Variants in TENM2 observed in about 807,000 individuals in gnomAD.
The protein encoded by TENM2 is teneurin-2.
Under a neutral mutation model 245.2 loss-of-function variants are expected in TENM2, and 52 were observed. That is an observed-to-expected ratio of 0.21 (90% CI 0.17 to 0.27). The LOEUF (loss-of-function observed/expected upper bound fraction) is 0.27. TENM2 is among the 10% of genes least tolerant of loss of function. The probability of loss-of-function intolerance (pLI) is 1.00; values close to 1 mark genes in which losing one functional copy is unlikely to be tolerated. For missense variants in TENM2, 3,046 were observed against 3,666.8 expected (o/e 0.83, Z 4.37); for synonymous variants, 1,363 against 1,438.9 (o/e 0.95, Z 1.19).
chr5:167,908,904 A>AG (rs1776327878), intron 3 of TENM2, among the ~76,000 whole-genome samples: 1 of 151,998 alleles, frequency 6.6e-6, no homozygotes, highest in Non-Finnish European at 1.5e-5. Context: ...TCCTTAGTTC[A>AG]GCATTTGAGG....
At chr5:167,720,506 GC>G (rs2150515985) in intron 2 of TENM2, among the ~76,000 whole-genome samples, 1 of 152,188 alleles carries the variant, frequency 6.6e-6, no homozygotes, top group South Asian at 2.1e-4. Flanking sequence ...TCCTTAGTAG[GC>G]ACTCTATATT....
At chr5:168,214,421 T>A (rs150286107) in intron 20 of TENM2, among the ~76,000 whole-genome samples, 17 of 152,204 alleles carry the variant, frequency 1.1e-4, no homozygotes, top group African/African-American at 4.1e-4. Flanking sequence ...TAATTCAGAT[T>A]CCAGACACAG....
At chr5:167,271,455 GA>G in the TENM2 span, among the ~76,000 whole-genome samples, 2 of 151,910 alleles carry the variant, frequency 1.3e-5, no homozygotes, top group East Asian at 1.9e-4. Context: ...TGGAGAGGGG[GA>G]AAAAAGGCAT....
intron 2 of TENM2, among the ~76,000 whole-genome samples, chr5:167,832,445 G>A (rs1050038433): frequency 6.6e-6 from 1 of 152,222 alleles, no homozygotes; most frequent in Non-Finnish European, 1.5e-5. Flanking sequence ...CCAGTTACAA[G>A]GAGTGTTCAG....
chr5:167,465,439 C>T (rs1236462010), intron 2 of TENM2, among the ~76,000 whole-genome samples: 1 of 152,200 alleles, frequency 6.6e-6, no homozygotes, highest in East Asian at 1.9e-4. Context: ...CCACCAAGCA[C>T]CATGCTCTGC....
intron 1 of TENM2, among the ~76,000 whole-genome samples, chr5:167,337,699 T>C: frequency 6.6e-6 from 1 of 152,140 alleles, no homozygotes; most frequent in East Asian, 1.9e-4. Context: ...AGCTTGACGT[T>C]GCAAAAAGAC....
At chr5:167,615,138 C>CA (rs1386064196) in intron 2 of TENM2, among the ~76,000 whole-genome samples, 1 of 152,112 alleles carries the variant, frequency 6.6e-6, no homozygotes, top group Non-Finnish European at 1.5e-5. Flanking sequence ...ACAAAACATA[C>CA]ATTTTTGTCA....
intron 13 of TENM2, among the ~76,000 whole-genome samples, chr5:168,188,648 A>C (rs2152505812): frequency 6.6e-6 from 1 of 152,316 alleles, no homozygotes; most frequent in Admixed American, 6.5e-5. Context: ...TTTTCCAGAT[A>C]GGGAGGCGAG....
At chr5:167,977,706 C>CA (rs1393676970) in intron 4 of TENM2, among the ~76,000 whole-genome samples, 1 of 152,310 alleles carries the variant, frequency 6.6e-6, no homozygotes, top group Non-Finnish European at 1.5e-5. Context: ...GAGAGACTGG[C>CA]AAAATGCTTA....
At chr5:167,118,523 T>C in the TENM2 span, among the ~76,000 whole-genome samples, 30 of 152,240 alleles carry the variant, frequency 2.0e-4, no homozygotes, top group Admixed American at 2.6e-4. Flanking sequence ...AGCTCAGTTA[T>C]ATATTAGTGC....
the TENM2 span, among the ~76,000 whole-genome samples, chr5:167,152,986 G>T: frequency 6.6e-6 from 1 of 152,196 alleles, no homozygotes; most frequent in Admixed American, 6.5e-5. Context: ...GAAGTAATAT[G>T]TCCTGGTTAC....
At chr5:168,214,396 C>T (rs1045810211) in intron 20 of TENM2, among the ~76,000 whole-genome samples, 4 of 152,216 alleles carry the variant, frequency 2.6e-5, no homozygotes, top group African/African-American at 9.6e-5. Context: ...TTGAAAAGTG[C>T]ATCTCCTGTC....
At chr5:167,777,491 C>T (rs1236808697) in intron 2 of TENM2, among the ~76,000 whole-genome samples, 6 of 152,160 alleles carry the variant, frequency 3.9e-5, no homozygotes, top group Admixed American at 3.9e-4. Context: ...GGTGGTACGA[C>T]ATATTTGTTA....
At chr5:167,579,053 CTTTAA>C (rs1325240964) in intron 2 of TENM2, among the ~76,000 whole-genome samples, 1 of 152,220 alleles carries the variant, frequency 6.6e-6, no homozygotes, top group Non-Finnish European at 1.5e-5. Flanking sequence ...CCTCCAACCA[CTTTAA>C]TTTAATTTGT....
intron 2 of TENM2, among the ~76,000 whole-genome samples, chr5:167,601,222 T>G (rs963615570): frequency 2.6e-5 from 4 of 152,260 alleles, no homozygotes; most frequent in Non-Finnish European, 5.9e-5. Context: ...TGGAGAGTGT[T>G]CAATAGAACG....
At chr5:167,466,846 C>T (rs2127501628) in intron 2 of TENM2, among the ~76,000 whole-genome samples, 1 of 152,180 alleles carries the variant, frequency 6.6e-6, no homozygotes, top group East Asian at 1.9e-4. Flanking sequence ...AAGGTCTCCC[C>T]ACGTACTAAT....
intron 2 of TENM2, among the ~76,000 whole-genome samples, chr5:167,418,668 A>G (rs1763307946): frequency 6.6e-6 from 1 of 152,180 alleles, no homozygotes; most frequent in Non-Finnish European, 1.5e-5. Context: ...TGTGATTAAT[A>G]TTAGATTCAA....
intron 4 of TENM2, among the ~76,000 whole-genome samples, chr5:167,982,534 A>T (rs1782922757): frequency 6.6e-6 from 1 of 152,122 alleles, no homozygotes; most frequent in Non-Finnish European, 1.5e-5. Context: ...GTTCTTTTTC[A>T]GCCCTTCCAA....
intron 1 of TENM2, among the ~76,000 whole-genome samples, chr5:167,347,487 A>G (rs1365503018): frequency 6.6e-6 from 1 of 152,192 alleles, no homozygotes; most frequent in Non-Finnish European, 1.5e-5. Flanking sequence ...CAGATTTATT[A>G]CCAAGGAAAT....
Sources: allele counts gnomAD v4.1 joint callset (sites outside exome capture counted in the v4.1 genomes callset), GRCh38; gene constraint gnomAD v4.1.1; transcripts MANE v1.5; gene names NCBI Gene and HGNC (gene_info 2026-07-23, HGNC 2026-07-21).